HEATR4: variants seen among roughly 807,000 people sequenced by gnomAD.
The protein encoded by HEATR4 is HEAT repeat-containing protein 4.
A neutral mutation model predicts 108.8 loss-of-function variants in HEATR4; 95 were observed. That is an observed-to-expected ratio of 0.87 (90% CI 0.74 to 1.04). The LOEUF (loss-of-function observed/expected upper bound fraction) is 1.04, where lower values mean the gene tolerates loss of function less well. HEATR4 is among the 50% of genes least tolerant of loss of function. HEATR4 has a pLI of 0.00. For missense variants in HEATR4, 1,152 were observed against 1,253.8 expected (o/e 0.92, Z 1.23); for synonymous variants, 443 against 459.4 (o/e 0.96, Z 0.46).
At chr14:73,521,468 T>C (rs570158323) in intron 3 of HEATR4, among the ~76,000 whole-genome samples, 2 of 152,362 alleles carry the variant, frequency 1.3e-5, no homozygotes, top group South Asian at 4.1e-4. Flanking sequence ...TCCTTAAAGG[T>C]ACATATCTGT....
intron 6 of HEATR4, 137 bp downstream of exon 6, chr14:73,513,894 G>T: frequency 1.3e-6 from 1 of 796,246 alleles, no homozygotes; most frequent in Non-Finnish European, 2.1e-6. Context: ...AAAGGCTCTT[G>T]TCTAGCCTTA....
the HEATR4 span, among the ~76,000 whole-genome samples, chr14:73,622,652 G>T: frequency 3.3e-5 from 5 of 151,942 alleles, no homozygotes; most frequent in African/African-American, 1.2e-4. Flanking sequence ...GCCTGCCTTG[G>T]TCTCCCAAAG....
At chr14:73,558,299 C>T (rs1181775165) in intron 1 of HEATR4, among the ~76,000 whole-genome samples, 2 of 141,478 alleles carry the variant, frequency 1.4e-5, no homozygotes, top group African/African-American at 5.3e-5. Context: ...ACTCACACAG[C>T]TATACAGCTA....
At chr14:73,569,326 G>A in the HEATR4 span, 1 of 1,613,942 alleles carries the variant, frequency 6.2e-7, no homozygotes, top group Non-Finnish European at 8.5e-7. Flanking sequence ...GCTGTCCTTC[G>A]AGCGTCCCGG....
chr14:73,505,465 C>T lies in HEATR4; in HGVS notation c.1986+1002G>A, dbSNP rs576100474. Among the ~76,000 whole-genome samples, 467 of 151,230 alleles carry T rather than the reference C, an allele frequency of 3.1e-3. 5 individuals are homozygous for T. Among genetic ancestry groups the T allele is most frequent in the African/African-American group, 0.011 (455 of 41,194 alleles). ...AGGCTGGAGTGCAGTGGTGCGATCT[C>T]GGCTCACTGCAACCTCTCCCTCCCA... On this transcript the variant is annotated intron_variant, in intron 10 of 17. Transcript: ENST00000553558.
intron 17 of HEATR4, chr14:73,491,126 A>G: frequency 6.2e-7 from 1 of 1,607,730 alleles, no homozygotes; most frequent in Non-Finnish European, 8.5e-7. Context: ...CTTGAGGTCC[A>G]GGAAGATACG....
In HEATR4 at chr14:73,508,143, A is replaced by G; in HGVS notation, c.1872T>C (p.Ser624=). ...EQSYILLSYL[S]EKTTLIHTML... is the part of the protein sequence containing the mutation. ...GGTAATGGACACATACTGTCTTCTC[A>G]CTCAGATAGCTCAGGAGGATATAAG... The change falls in exon 9 of 18, where the codon AGT becomes AGC. Residue 624 remains serine, a synonymous_variant. Transcript: ENST00000553558. 6.2e-7 allele frequency: 1 copy of G among 1,613,988 alleles called. No homozygotes were observed. Among genetic ancestry groups the G allele is most frequent in the Non-Finnish European group, 8.5e-7 (1 of 1,179,898 alleles).
chr14:73,522,149 TG>T, intron 3 of HEATR4, 122 bp downstream of exon 3: 1 of 984,114 alleles, frequency 1.0e-6, no homozygotes, highest in Non-Finnish European at 1.5e-6. Flanking sequence ...AGCAGGCCGG[TG>T]GTGGAGAACA....
At chr14:73,622,751 G>T in the HEATR4 span, among the ~76,000 whole-genome samples, 13 of 151,922 alleles carry the variant, frequency 8.6e-5, no homozygotes, top group Non-Finnish European at 1.9e-4. Flanking sequence ...CATTTGAAAT[G>T]CAGTAAAGCA....
chr14:73,583,256 G>A, the HEATR4 span, among the ~76,000 whole-genome samples: 1 of 151,650 alleles, frequency 6.6e-6, no homozygotes, highest in East Asian at 1.9e-4. Context: ...GGCTGAGGCA[G>A]GAGAATCACT....
Position 73,506,555 on chromosome 14 carries a change from A to T in HEATR4, c.1898T>A (p.Met633Lys). The change falls in exon 10 of 18, where the codon ATG becomes AAG. Residue 633 changes from methionine to lysine, a missense_variant. Met to Lys is a moderately conservative substitution (Grantham distance 95). Transcript: ENST00000553558. Reference sequence around the variant, plus strand: ...ACAGCTGTTCAGCTCCACAGCAAGCATGGTGTGTATCAGGGTCTGAGGAAA... The same window carrying T: ...ACAGCTGTTCAGCTCCACAGCAAGCTTGGTGTGTATCAGGGTCTGAGGAAA... ...LSEKTTLIHT[M>K]LAVELNSCQW... 1 of 1,613,094 alleles carries T rather than the reference A, an allele frequency of 6.2e-7. No homozygotes were observed. The highest frequency in any genetic ancestry group is 1.3e-5 in the African/African-American group (1 of 75,046).
At chr14:73,625,286 T>C in the HEATR4 span, among the ~76,000 whole-genome samples, 1 of 152,058 alleles carries the variant, frequency 6.6e-6, no homozygotes, top group South Asian at 2.1e-4. Context: ...TCTCGATCTC[T>C]TGACCTCATG....
Position 73,551,905 on chromosome 14 carries a change from A to G in HEATR4, c.-152+6846T>C, listed in dbSNP as rs545807806. Among the ~76,000 whole-genome samples the G allele has an allele frequency of 3.6e-5, 4 of 111,960 alleles. 1 individual carries two copies. In the South Asian group the frequency reaches 8.7e-4, roughly 24 times the overall value. The allele number at this position is 111,960 out of a possible 152,430, so 73.5% of individuals were successfully genotyped here. ...AAAGCCTCAGATGGGCACGTATACAACTTCCTACACACACTGTGCATGCTC... is the reference window on the plus strand; with the variant it reads ...AAAGCCTCAGATGGGCACGTATACAGCTTCCTACACACACTGTGCATGCTC... On this transcript the variant is annotated intron_variant, in intron 1 of 17. Coordinates refer to ENST00000553558, the MANE Select transcript of HEATR4 (RefSeq NM_001220484.1).
Position 73,522,909 on chromosome 14 carries a change from C to G in HEATR4, c.244G>C (p.Gly82Arg), listed in dbSNP as rs1363790760. 1.9e-6 allele frequency: 3 copies of G among 1,614,164 alleles called. No homozygotes were observed. Among genetic ancestry groups the G allele is most frequent in the Non-Finnish European group, 1.7e-6 (2 of 1,180,016 alleles). ...TGGCTATAAGGAATGCTGGGCAGGC[C>G]TCGCTGCCACACCACCTCCTGAGAG... Reference protein sequence around the residue: ...TFSQEVVWQRGLPSIPYSQYS... With the variant: ...TFSQEVVWQRRLPSIPYSQYS... The change falls in exon 3 of 18, where the codon GGC becomes CGC. Residue 82 changes from glycine to arginine, a missense_variant. Coordinates refer to ENST00000553558, the MANE Select transcript of HEATR4 (RefSeq NM_001220484.1).
intron 17 of HEATR4, among the ~76,000 whole-genome samples, chr14:73,482,016 C>CA: frequency 6.6e-6 from 1 of 151,546 alleles, no homozygotes; most frequent in Admixed American, 6.6e-5. Context: ...AAAACAAAAA[C>CA]AAAACAAAAA....
intron 17 of HEATR4, among the ~76,000 whole-genome samples, chr14:73,484,195 A>G (rs1425197176): frequency 6.6e-6 from 1 of 151,872 alleles, no homozygotes; most frequent in East Asian, 1.9e-4. Context: ...AAGAGGTGAC[A>G]TCATTTTTCA....
Position 73,492,925 on chromosome 14 carries a change from G to C in HEATR4, c.2844+141C>G. 7 of 1,613,292 alleles carry C rather than the reference G, an allele frequency of 4.3e-6. No homozygotes were observed. The highest frequency in any genetic ancestry group is 5.9e-6 in the Non-Finnish European group (7 of 1,179,660). ...ATAAGGGGCTGCTGCTCACTAAGAT[G>C]CCTCTAGCCCTAAATTAGTTTCTTG... On this transcript the variant is annotated intron_variant, in intron 17 of 17. Transcript: ENST00000553558. This position sits in a 1 kb window ranked among gnomAD's most constrained non-coding sequence, Gnocchi z 4.9.
chr14:73,495,412 AAAAAC>A lies in HEATR4; in HGVS notation c.2626-30_2626-26del, dbSNP rs770446372. The A allele has an allele frequency of 5.3e-5, 85 of 1,598,104 alleles. No homozygotes were observed. The Middle Eastern group carries it at 2.0e-3, about 37-fold the overall frequency. ...TCTAAATTAGAACAAATAATGTTTGAAAAACAAAACAAAACACCTGTACTAGGCAG... is the reference window on the plus strand; with the variant it reads ...TCTAAATTAGAACAAATAATGTTTGAAAAACAAAACACCTGTACTAGGCAG... On this transcript the variant is annotated intron_variant, in intron 15 of 17. Coordinates refer to ENST00000553558, the MANE Select transcript of HEATR4 (RefSeq NM_001220484.1).
chr14:73,612,761 C>T, the HEATR4 span: 1 of 1,371,306 alleles, frequency 7.3e-7, no homozygotes, highest in South Asian at 1.7e-5. Flanking sequence ...GGACCTGGAG[C>T]GCGCGCCCGC....
Sources: gnomAD v4.1 joint callset for allele counts (sites outside exome capture counted in the v4.1 genomes callset) on GRCh38, gnomAD v4.1.1 for gene constraint, Gnocchi (gnomAD v3.1) non-coding constraint, MANE v1.5 for transcripts, NCBI Gene and HGNC (gene_info 2026-07-23, HGNC 2026-07-21) for gene names.